GULP1: variants seen among roughly 807,000 people sequenced by gnomAD.
GULP1 encodes the protein PTB domain-containing engulfment adapter protein 1.
A neutral mutation model predicts 40.9 loss-of-function variants in GULP1; 19 were observed. The ratio of observed to expected loss-of-function variants is 0.46; its 90% CI spans 0.32 to 0.68. GULP1 has a LOEUF of 0.68. Ranked by LOEUF, GULP1 falls within the 30% of genes least tolerant of loss-of-function variation. GULP1 has a pLI of 0.03. For missense variants in GULP1, 312 were observed against 362.2 expected (o/e 0.86, Z 1.12); for synonymous variants, 119 against 117.6 (o/e 1.01, Z -0.08).
intron 2 of GULP1, among the ~76,000 whole-genome samples, chr2:188,428,657 G>A (rs936614619): frequency 3.0e-4 from 45 of 152,170 alleles, no homozygotes; most frequent in Non-Finnish European, 6.0e-4. Flanking sequence ...ATGATTATAT[G>A]TTTTCTGAGG....
At chr2:188,296,226 T>C (rs1678898456) in intron 1 of GULP1, among the ~76,000 whole-genome samples, 1 of 152,080 alleles carries the variant, frequency 6.6e-6, no homozygotes, top group African/African-American at 2.4e-5. Flanking sequence ...AAAAATGGTA[T>C]AACTTTGAAT....
chr2:188,584,244 A>G (rs1424369185), intron 9 of GULP1, 21 bp from the exon 10 acceptor site: 3 of 1,549,336 alleles, frequency 1.9e-6, no homozygotes, highest in Non-Finnish European at 2.7e-6. Flanking sequence ...TATTACCCTA[A>G]TTCATTTATT....
intron 9 of GULP1, among the ~76,000 whole-genome samples, chr2:188,581,992 C>G (rs1701423518): frequency 6.6e-6 from 1 of 152,076 alleles, no homozygotes; most frequent in African/African-American, 2.4e-5. Flanking sequence ...ACTATCCTTC[C>G]TTTTTCCATT....
intron 1 of GULP1, among the ~76,000 whole-genome samples, chr2:188,331,543 G>A (rs2152053235): frequency 6.6e-6 from 1 of 152,208 alleles, no homozygotes; most frequent in South Asian, 2.1e-4. Context: ...GATCAGGGAT[G>A]GAGTTCAGCA....
chr2:188,548,361 A>G (rs1260020111), intron 7 of GULP1, among the ~76,000 whole-genome samples: 2 of 152,074 alleles, frequency 1.3e-5, no homozygotes, highest in East Asian at 1.9e-4. Context: ...TACAATTGCT[A>G]AAAGAAGTGG....
intron 3 of GULP1, among the ~76,000 whole-genome samples, chr2:188,482,736 AC>A (rs985248768): frequency 1.3e-5 from 2 of 151,312 alleles, no homozygotes; most frequent in African/African-American, 4.8e-5. Context: ...TAATACAATT[AC>A]TTTTAATATA....
At chr2:188,489,212 A>G (rs556753599) in intron 4 of GULP1, among the ~76,000 whole-genome samples, 1 of 152,074 alleles carries the variant, frequency 6.6e-6, no homozygotes, top group Non-Finnish European at 1.5e-5. Flanking sequence ...AAAGTTGGGC[A>G]AAAGGTACAC....
chr2:188,511,943 T>G (rs2064604577), intron 4 of GULP1, among the ~76,000 whole-genome samples: 2 of 152,134 alleles, frequency 1.3e-5, no homozygotes, highest in Non-Finnish European at 2.9e-5. Flanking sequence ...TTTAGTTTTT[T>G]TCAGGATTAT....
chr2:188,589,652 A>C, intron 11 of GULP1: 1 of 596,948 alleles, frequency 1.7e-6, no homozygotes. Flanking sequence ...GGTGACACTC[A>C]ATGTTAAACC....
At chr2:188,522,419 C>G (rs747875434) in intron 4 of GULP1, among the ~76,000 whole-genome samples, 24 of 151,930 alleles carry the variant, frequency 1.6e-4, no homozygotes, top group Non-Finnish European at 3.1e-4. Context: ...TTTTTAATTA[C>G]TAATAAGTTT....
At chr2:188,480,442 C>CTA (rs2061356632) in intron 3 of GULP1, among the ~76,000 whole-genome samples, 2 of 151,796 alleles carry the variant, frequency 1.3e-5, no homozygotes, top group South Asian at 4.1e-4. Flanking sequence ...CATCTTAAAC[C>CTA]TAAACATAAT....
chr2:188,531,334 G>A, intron 6 of GULP1, among the ~76,000 whole-genome samples: 1 of 152,098 alleles, frequency 6.6e-6, no homozygotes, highest in East Asian at 1.9e-4. Context: ...AATTAACTGA[G>A]GCATTTGCAA....
chr2:188,589,578 C>G, intron 11 of GULP1: 1 of 401,670 alleles, frequency 2.5e-6, no homozygotes, highest in Admixed American at 4.5e-5. Context: ...TAAGGATAAG[C>G]CTCTATTTCC....
intron 4 of GULP1, among the ~76,000 whole-genome samples, chr2:188,499,149 A>ATG (rs2063191534): frequency 1.4e-5 from 2 of 144,822 alleles, no homozygotes; most frequent in Non-Finnish European, 3.0e-5. Context: ...ATATATATAT[A>ATG]TATATATATA....
chr2:188,331,891 A>G (rs562035599), intron 1 of GULP1, among the ~76,000 whole-genome samples: 6 of 152,300 alleles, frequency 3.9e-5, no homozygotes, highest in Admixed American at 6.5e-5. Context: ...TTGTCTTCAT[A>G]TCTTGTTTCT....
At chr2:188,538,139 T>G (rs1689429994) in intron 6 of GULP1, among the ~76,000 whole-genome samples, 1 of 152,064 alleles carries the variant, frequency 6.6e-6, no homozygotes, top group South Asian at 2.1e-4. Context: ...GAACTAACTT[T>G]TGGGTTTGTT....
At chr2:188,516,636 G>A (rs942001119) in intron 4 of GULP1, among the ~76,000 whole-genome samples, 3 of 152,022 alleles carry the variant, frequency 2.0e-5, no homozygotes, top group East Asian at 1.9e-4. Flanking sequence ...CTCACCTTTA[G>A]GCATGCATCA....
chr2:188,495,835 T>C (rs1266519809), intron 4 of GULP1, among the ~76,000 whole-genome samples: 1 of 152,016 alleles, frequency 6.6e-6, no homozygotes, highest in Non-Finnish European at 1.5e-5. Flanking sequence ...TTGATATACC[T>C]TTATTACACG....
intron 1 of GULP1, among the ~76,000 whole-genome samples, chr2:188,352,618 T>TCTCTCACACACACACACACACA (rs578003996): frequency 3.7e-5 from 5 of 134,406 alleles, no homozygotes; most frequent in African/African-American, 1.4e-4. Context: ...TCTCTCTCTC[T>TCTCTCACACACACACACACACA]CACACACACA....
Sources: gnomAD v4.1 joint callset for allele counts (sites outside exome capture counted in the v4.1 genomes callset) on GRCh38, gnomAD v4.1.1 for gene constraint, MANE v1.5 for transcripts, NCBI Gene and HGNC (gene_info 2026-07-23, HGNC 2026-07-21) for gene names.